The following VPS35L variants were observed in gnomAD, a reference collection of about 807,000 sequenced individuals.
VPS35L encodes VPS35 endosomal protein sorting factor like.
VPS35L carries 83 observed loss-of-function variants against 133.0 expected under a neutral mutation model. The ratio of observed to expected loss-of-function variants is 0.62; its 90% CI spans 0.52 to 0.75. VPS35L has a LOEUF of 0.75. Among genes scored for constraint, VPS35L ranks in the 30% least tolerant of loss-of-function variants. The pLI is 0.00. For synonymous variants in VPS35L, 423 were observed against 449.9 expected (o/e 0.94, Z 0.76); for missense variants, 1,083 against 1,206.8 (o/e 0.90, Z 1.52).
intron 7 of VPS35L, among the ~76,000 whole-genome samples, chr16:19,586,163 G>A (rs1022474599): frequency 6.6e-6 from 1 of 152,166 alleles, no homozygotes; most frequent in Non-Finnish European, 1.5e-5. Flanking sequence ...GCCTCCCAAA[G>A]TGCTAGGATT....
At chr16:19,658,556 G>A (rs941208944) in intron 26 of VPS35L, among the ~76,000 whole-genome samples, 14 of 152,084 alleles carry the variant, frequency 9.2e-5, no homozygotes, top group African/African-American at 3.4e-4. Context: ...AGAGACGACA[G>A]GCCATTCAGG....
At chr16:19,640,975 T>G (rs1011802917) in intron 21 of VPS35L, among the ~76,000 whole-genome samples, 1 of 152,320 alleles carries the variant, frequency 6.6e-6, no homozygotes, top group East Asian at 1.9e-4. Context: ...CTTCATCTCC[T>G]GGGCTCAAGC....
intron 24 of VPS35L, among the ~76,000 whole-genome samples, 180 bp downstream of exon 24, chr16:19,648,062 T>A (rs1391786525): frequency 1.3e-5 from 2 of 152,072 alleles, no homozygotes; most frequent in Non-Finnish European, 2.9e-5. Context: ...CAAGCAATTC[T>A]CCCTGTCTCA....
At chr16:19,589,058 T>C (rs1176449408) in intron 7 of VPS35L, among the ~76,000 whole-genome samples, 3 of 152,180 alleles carry the variant, frequency 2.0e-5, no homozygotes, top group Non-Finnish European at 4.4e-5. Context: ...TTATAGGCCT[T>C]TGGGGTTTCC....
chr16:19,577,646 C>T (rs1195479068), intron 5 of VPS35L, among the ~76,000 whole-genome samples: 4 of 152,124 alleles, frequency 2.6e-5, no homozygotes, highest in Admixed American at 6.5e-5. Flanking sequence ...TCCCCTGCCC[C>T]GATTCATATG....
At chr16:19,649,017 C>T (rs1243370248) in intron 24 of VPS35L, among the ~76,000 whole-genome samples, 1 of 150,888 alleles carries the variant, frequency 6.6e-6, no homozygotes, top group Admixed American at 6.6e-5. Flanking sequence ...AGCTGGAGTT[C>T]TTGCTTTGTT....
chr16:19,638,737 A>G (rs2151575767), intron 20 of VPS35L, among the ~76,000 whole-genome samples: 1 of 152,310 alleles, frequency 6.6e-6, no homozygotes, highest in East Asian at 1.9e-4. Flanking sequence ...AGACAAAGGG[A>G]TGACTCACAA....
chr16:19,666,908 C>CTT (rs375028571), intron 26 of VPS35L, among the ~76,000 whole-genome samples: 1 of 82,774 alleles, frequency 1.2e-5, no homozygotes. Flanking sequence ...TTCTTTCTTT[C>CTT]TTTCTTTCTT....
At chr16:19,591,911 T>A in intron 8 of VPS35L, 37 bp downstream of exon 8, 1 of 1,485,018 alleles carries the variant, frequency 6.7e-7, no homozygotes, top group Non-Finnish European at 9.4e-7. Context: ...ATCTAGGAAA[T>A]GTGTTCGTTT....
intron 26 of VPS35L, 34 bp downstream of exon 26, chr16:19,652,124 C>CT: frequency 2.1e-6 from 3 of 1,440,772 alleles, no homozygotes; most frequent in Non-Finnish European, 2.9e-6. Flanking sequence ...CGGGCACTCC[C>CT]TTGCTGCTTA....
At chr16:19,667,138 A>G (rs1206544609) in intron 26 of VPS35L, among the ~76,000 whole-genome samples, 2 of 151,644 alleles carry the variant, frequency 1.3e-5, no homozygotes, top group Admixed American at 1.3e-4. Context: ...TAATTTTTGT[A>G]TTTTTAGTAC....
chr16:19,632,093 C>G (rs1026330872), intron 18 of VPS35L, among the ~76,000 whole-genome samples: 2 of 152,084 alleles, frequency 1.3e-5, no homozygotes, highest in African/African-American at 2.4e-5. Context: ...TCCTAAGTAA[C>G]TAGGACTACA....
chr16:19,568,130 A>G (rs1971244957), intron 2 of VPS35L, among the ~76,000 whole-genome samples: 1 of 152,136 alleles, frequency 6.6e-6, no homozygotes, highest in Non-Finnish European at 1.5e-5. Flanking sequence ...TTTAGTATTT[A>G]CTTGTACTTA....
intron 5 of VPS35L, among the ~76,000 whole-genome samples, chr16:19,576,952 C>A (rs1220847109): frequency 6.6e-6 from 1 of 152,152 alleles, no homozygotes; most frequent in Non-Finnish European, 1.5e-5. Flanking sequence ...AGTGGTCCAC[C>A]TGCCTTGGCC....
At chr16:19,627,623 T>G (rs1187781346) in intron 15 of VPS35L, 71 bp from the exon 16 acceptor site, 17 of 1,191,520 alleles carry the variant, frequency 1.4e-5, no homozygotes, top group Non-Finnish European at 2.0e-5. Context: ...TTCCTGGCAA[T>G]ATATATTCAA....
chr16:19,654,626 G>A (rs9937868), intron 26 of VPS35L, among the ~76,000 whole-genome samples: 31,421 of 151,896 alleles, frequency 0.21, 6,020 homozygotes, highest in African/African-American at 0.5. Context: ...AAAACCTAGT[G>A]ATGCACAGGA....
intron 7 of VPS35L, among the ~76,000 whole-genome samples, chr16:19,591,572 A>T (rs1972043748): frequency 6.6e-6 from 1 of 151,516 alleles, no homozygotes; most frequent in Non-Finnish European, 1.5e-5. Flanking sequence ...AAAGGAAGGG[A>T]AAACAAAGAA....
chr16:19,685,995 A>G (rs1037856667), intron 28 of VPS35L, among the ~76,000 whole-genome samples: 2 of 152,134 alleles, frequency 1.3e-5, no homozygotes, highest in Non-Finnish European at 2.9e-5. Flanking sequence ...CTAGAGCCAG[A>G]TTGGCAGCAG....
intron 9 of VPS35L, among the ~76,000 whole-genome samples, chr16:19,602,846 C>T (rs867717329): frequency 2.0e-5 from 3 of 151,920 alleles, no homozygotes; most frequent in Admixed American, 6.6e-5. Flanking sequence ...TCAAGTGATT[C>T]ATCCGCCTCG....
Sources: gnomAD v4.1 joint callset for allele counts (sites outside exome capture counted in the v4.1 genomes callset) on GRCh38, gnomAD v4.1.1 for gene constraint, MANE v1.5 for transcripts, NCBI Gene and HGNC (gene_info 2026-07-23, HGNC 2026-07-21) for gene names.